ITPK1: variants seen among roughly 807,000 people sequenced by gnomAD.
The protein encoded by ITPK1 is inositol-tetrakisphosphate 1-kinase, also known as inositol 1,3,4-trisphosphate 5/6-kinase.
Under a neutral mutation model 45.3 loss-of-function variants are expected in ITPK1, and 21 were observed. That is an observed-to-expected ratio of 0.46 (90% confidence interval 0.33 to 0.67). The LOEUF is 0.67. Ranked by LOEUF, ITPK1 falls within the 30% of genes least tolerant of loss-of-function variation. The pLI, the probability that ITPK1 is intolerant of heterozygous loss-of-function variation, is 0.02. For synonymous variants in ITPK1, 258 were observed against 253.6 expected (o/e 1.02, Z -0.16); for missense variants, 474 against 573.5 (o/e 0.83, Z 1.77).
chr14:93,103,099 CAAAA>C (rs71123389), intron 2 of ITPK1, among the ~76,000 whole-genome samples: 1,190 of 68,852 alleles, frequency 0.017, 24 homozygotes, highest in African/African-American at 0.068. Context: ...GACTCCATCT[CAAAA>C]AAAAAAAAAA....
At chr14:93,101,980 A>G (rs1015267424) in intron 2 of ITPK1, among the ~76,000 whole-genome samples, 1 of 152,250 alleles carries the variant, frequency 6.6e-6, no homozygotes, top group Non-Finnish European at 1.5e-5. Flanking sequence ...CTCCAGAGAC[A>G]GGAGCCACTG....
chr14:92,977,015 T>C (rs1193189285), intron 5 of ITPK1, among the ~76,000 whole-genome samples: 3 of 152,246 alleles, frequency 2.0e-5, no homozygotes, highest in Non-Finnish European at 4.4e-5. Flanking sequence ...GAATGCTCCA[T>C]ACTGTGTGAA....
rs910191862 is a variant in ITPK1 at position 93,036,492 on chromosome 14, C to T, written c.121-19691G>A. 2.4e-4 allele frequency among the ~76,000 whole-genome samples: 37 copies of T among 152,264 alleles called. No individual in the cohort carries two copies. The highest frequency in any genetic ancestry group is 8.9e-4 in the African/African-American group (37 of 41,548). ...CAAACACGTGACCTCCTCCGAGAGGCTGGTGGGAGCACGTGCCCCATTTGA... is the reference window on the plus strand; with the variant it reads ...CAAACACGTGACCTCCTCCGAGAGGTTGGTGGGAGCACGTGCCCCATTTGA... On this transcript the variant is annotated intron_variant, in intron 3 of 10. Transcript: ENST00000267615. This position sits in a 1 kb window ranked among gnomAD's most constrained non-coding sequence, Gnocchi z 4.1.
intron 3 of ITPK1, among the ~76,000 whole-genome samples, chr14:93,018,544 T>A: frequency 6.6e-6 from 1 of 152,054 alleles, no homozygotes; most frequent in Non-Finnish European, 1.5e-5. Context: ...AAAAAAAAAA[T>A]ATCCTTTAGA....
chr14:92,944,820 C>A (rs1057172175), intron 10 of ITPK1, among the ~76,000 whole-genome samples: 1 of 152,198 alleles, frequency 6.6e-6, no homozygotes, highest in Non-Finnish European at 1.5e-5. Context: ...GTTTCCTCCC[C>A]ACTGCACCCA....
In ITPK1 at chr14:92,951,925, CA is replaced by C; in HGVS notation, c.738+20del. 4 of 1,562,464 alleles carry C rather than the reference CA, an allele frequency of 2.6e-6. No homozygotes were observed. Among genetic ancestry groups the C allele is most frequent in the Non-Finnish European group, 2.6e-6 (3 of 1,151,618 alleles). On this transcript the variant is annotated intron_variant, in intron 9 of 10. Transcript: ENST00000267615. ...ACGGGAGGGCAGTTTCAGGCCAGGCCATCCCAGCAGAGGGACCCACCTCCGT... is the reference window on the plus strand; with the variant it reads ...ACGGGAGGGCAGTTTCAGGCCAGGCCTCCCAGCAGAGGGACCCACCTCCGT...
In ITPK1 at chr14:93,082,312, G is replaced by A. The variant is rs187336600; in HGVS notation, c.96-5693C>T. Among the ~76,000 whole-genome samples the A allele has an allele frequency of 3.8e-3, 576 of 152,332 alleles. 2 individuals carry two copies. The highest frequency in any genetic ancestry group is 3.7e-3 in the Non-Finnish European group (251 of 68,022). The stretch of plus-strand genomic sequence containing the variant: ...AGCAGTCCACTTTTCAACCGTGGTG[G>A]TGCCAGGAAGTGGTTAGAAGCCCAG... On this transcript the variant is annotated intron_variant, in intron 2 of 10. Coordinates refer to ENST00000267615, the MANE Select transcript of ITPK1 (RefSeq NM_014216.6).
intron 2 of ITPK1, among the ~76,000 whole-genome samples, chr14:93,091,067 G>A (rs904903601): frequency 6.6e-6 from 1 of 152,214 alleles, no homozygotes; most frequent in Non-Finnish European, 1.5e-5. Flanking sequence ...ACCGTGTGCT[G>A]GAAGGAAAGG....
At position 92,946,566 on chromosome 14, in the gene ITPK1, C is replaced by A. The variant is rs116409277; in HGVS notation, c.739-73G>T. Reference sequence around the variant, plus strand: ...AGCCACACCACACAGACAGACCCCCCACACCAGCTGCCACGAGGCCCTGGC... The same window carrying A: ...AGCCACACCACACAGACAGACCCCCAACACCAGCTGCCACGAGGCCCTGGC... On this transcript the variant is annotated intron_variant, in intron 9 of 10. Coordinates refer to ENST00000267615, the MANE Select transcript of ITPK1 (RefSeq NM_014216.6). 9.5e-4 allele frequency: 1,377 copies of A among 1,442,892 alleles called. 17 individuals are homozygous for A. The African/African-American group carries it at 0.018, about 19-fold the overall frequency. 89.4% of individuals were successfully genotyped at this position (1,442,892 alleles called of 1,614,324 possible). A position where few individuals can be genotyped will look rare whatever the true frequency, so the allele number is the denominator to read the frequency against.
At position 92,941,629 on chromosome 14, in the gene ITPK1, C is replaced by T. The variant is rs538517863; in HGVS notation, c.1177G>A (p.Ala393Thr). ...KLPHQRLGCN[A>T]GVSPSFQQHC... ...TGCTGGAAGCTGGGCGACACGCCGG[C>T]GTTGCAGCCGAGTCTCTGGTGCGGC... Residue 393 changes from alanine to threonine, a missense_variant, in exon 11 of 11, where the codon GCC becomes ACC. Transcript: ENST00000267615. 4.7e-5 allele frequency: 72 copies of T among 1,538,438 alleles called. No individual in the cohort carries two copies. The highest frequency in any genetic ancestry group is 2.3e-4 in the Middle Eastern group (1 of 4,370).
At chr14:93,051,771 C>T (rs940980092) in intron 3 of ITPK1, among the ~76,000 whole-genome samples, 2 of 152,252 alleles carry the variant, frequency 1.3e-5, no homozygotes, top group Non-Finnish European at 2.9e-5. Context: ...CACCCTGTGC[C>T]TCCAAATGTC....
chr14:93,016,491 C>G lies in ITPK1; in HGVS notation c.246+185G>C, dbSNP rs150290327. On this transcript the variant is annotated intron_variant, in intron 4 of 10. Coordinates refer to ENST00000267615, the MANE Select transcript of ITPK1 (RefSeq NM_014216.6). The surrounding 1 kb of genome is among the most constrained non-coding windows in gnomAD (Gnocchi z 5.0). ...CCTGGTTCAGTCCCCACGCTACACC[C>G]GAGGACACTGACGCCGCACAGAAGT... Among the ~76,000 whole-genome samples, 6 of 152,278 alleles carry G rather than the reference C, an allele frequency of 3.9e-5. No homozygotes were observed. In the East Asian group the frequency reaches 1.2e-3, roughly 29 times the overall value.
rs1315208258 is a variant in ITPK1 at position 92,962,350 on chromosome 14, C to T, written c.504+5G>A. ...GGGACAACAGTCAGATCTTCTTCCACTCACCTCGTGAGAGTTGGTGCCATG... is the reference window on the plus strand; with the variant it reads ...GGGACAACAGTCAGATCTTCTTCCATTCACCTCGTGAGAGTTGGTGCCATG... On this transcript the variant is annotated splice_donor_5th_base_variant and intron_variant, in intron 7 of 10. Coordinates refer to ENST00000267615, the MANE Select transcript of ITPK1 (RefSeq NM_014216.6). 13 of 1,603,764 alleles carry T rather than the reference C, an allele frequency of 8.1e-6. No homozygotes were observed. The highest frequency in any genetic ancestry group is 1.3e-5 in the African/African-American group (1 of 74,694).
intron 9 of ITPK1, among the ~76,000 whole-genome samples, chr14:92,949,953 G>A (rs1164648477): frequency 2.6e-5 from 4 of 152,154 alleles, no homozygotes; most frequent in Admixed American, 2.0e-4. Flanking sequence ...TGCCGAGACC[G>A]TGCCCATACT....
In ITPK1 at chr14:93,095,651, A is replaced by T. The variant is rs543254637; in HGVS notation, c.96-19032T>A. On this transcript the variant is annotated intron_variant, in intron 2 of 10. Transcript: ENST00000267615. Reference sequence around the variant, plus strand: ...ACATGTGCAGGTTTGTTACAAGTATAATGTGTGACACTGAGGTTTGGAGTA... The same window carrying T: ...ACATGTGCAGGTTTGTTACAAGTATTATGTGTGACACTGAGGTTTGGAGTA... 6.6e-5 allele frequency among the ~76,000 whole-genome samples: 10 copies of T among 151,562 alleles called. No individual in the cohort carries two copies. The South Asian group carries it at 1.9e-3, about 29-fold the overall frequency.
At chr14:93,081,636 G>A (rs1891437146) in intron 2 of ITPK1, among the ~76,000 whole-genome samples, 1 of 152,212 alleles carries the variant, frequency 6.6e-6, no homozygotes, top group African/African-American at 2.4e-5. Flanking sequence ...AGGCTTCAAA[G>A]AGGAGGCAGC....
chr14:92,992,001 G>A (rs1886813953), intron 5 of ITPK1, among the ~76,000 whole-genome samples: 1 of 152,192 alleles, frequency 6.6e-6, no homozygotes, highest in Non-Finnish European at 1.5e-5. Context: ...AACACCAGCA[G>A]AACTCAAATG....
intron 2 of ITPK1, among the ~76,000 whole-genome samples, chr14:93,102,248 C>T (rs986532386): frequency 1.1e-4 from 16 of 152,260 alleles, no homozygotes; most frequent in African/African-American, 3.9e-4. Flanking sequence ...GAGGATGGGG[C>T]ACCCAAATCT....
At chr14:92,990,707 C>T (rs1595116075) in intron 5 of ITPK1, among the ~76,000 whole-genome samples, 1 of 152,160 alleles carries the variant, frequency 6.6e-6, no homozygotes, top group East Asian at 1.9e-4. Context: ...TCATCTGTCT[C>T]CTGGATGCAG....
Sources: gnomAD v4.1 joint callset for allele counts (sites outside exome capture counted in the v4.1 genomes callset) on GRCh38, gnomAD v4.1.1 for gene constraint, Gnocchi (gnomAD v3.1) non-coding constraint, MANE v1.5 for transcripts, NCBI Gene and HGNC (gene_info 2026-07-23, HGNC 2026-07-21) for gene names.